PDE11A: variants seen among roughly 807,000 people sequenced by gnomAD.
The protein encoded by PDE11A is dual 3',5'-cyclic-AMP and -GMP phosphodiesterase 11A.
Under a neutral mutation model 100.5 loss-of-function variants are expected in PDE11A, and 100 were observed. The ratio of observed to expected loss-of-function variants is 1.00; its 90% CI spans 0.85 to 1.18. The LOEUF (loss-of-function observed/expected upper bound fraction) is 1.18, where lower values mean the gene tolerates loss of function less well. Among genes scored for constraint, PDE11A ranks in the 50% most tolerant of loss-of-function variants. The probability of loss-of-function intolerance (pLI) is 0.00; values close to 1 mark genes in which losing one functional copy is unlikely to be tolerated. For missense variants in PDE11A, 1,141 were observed against 1,152.6 expected (o/e 0.99, Z 0.15); for synonymous variants, 381 against 420.8 (o/e 0.91, Z 1.16).
chr2:177,647,088 G>A (rs1574094365), intron 19 of PDE11A, among the ~76,000 whole-genome samples: 1 of 152,126 alleles, frequency 6.6e-6, no homozygotes, highest in Non-Finnish European at 1.5e-5. Flanking sequence ...TACAAGAGGT[G>A]GTTGGAACAT....
chr2:177,860,398 A>G (rs2083925538), intron 5 of PDE11A, among the ~76,000 whole-genome samples: 1 of 151,870 alleles, frequency 6.6e-6, no homozygotes, highest in African/African-American at 2.4e-5. Flanking sequence ...AAAACAACTC[A>G]AGGAGAATTT....
At chr2:177,782,099 C>A (rs775302560) in intron 9 of PDE11A, among the ~76,000 whole-genome samples, 68 of 152,176 alleles carry the variant, frequency 4.5e-4, no homozygotes, top group Non-Finnish European at 8.7e-4. Flanking sequence ...TACATAATGA[C>A]AACACTGACA....
At chr2:177,852,116 C>T (rs61154252) in intron 5 of PDE11A, among the ~76,000 whole-genome samples, 105 of 152,240 alleles carry the variant, frequency 6.9e-4, no homozygotes, top group African/African-American at 9.9e-4. Context: ...CTCAAAGTTG[C>T]CATTTTCAAG....
At chr2:177,695,224 G>C (rs1215309738) in intron 15 of PDE11A, among the ~76,000 whole-genome samples, 3 of 151,886 alleles carry the variant, frequency 2.0e-5, no homozygotes, top group Non-Finnish European at 1.5e-5. Flanking sequence ...TATTTATTGG[G>C]TACATATGAC....
At chr2:177,862,471 C>G (rs75271438) in intron 5 of PDE11A, among the ~76,000 whole-genome samples, 1 of 151,676 alleles carries the variant, frequency 6.6e-6, no homozygotes, top group Non-Finnish European at 1.5e-5. Flanking sequence ...ACTGTTAGAC[C>G]TAATATATGA....
chr2:178,024,048 G>A (rs1304453888), intron 1 of PDE11A, among the ~76,000 whole-genome samples: 1 of 152,234 alleles, frequency 6.6e-6, no homozygotes, highest in East Asian at 1.9e-4. Context: ...AGGGGGAGGG[G>A]CCCTGGAGGG....
intron 9 of PDE11A, among the ~76,000 whole-genome samples, chr2:177,798,447 A>G (rs1191060761): frequency 6.6e-6 from 1 of 152,208 alleles, no homozygotes; most frequent in Non-Finnish European, 1.5e-5. Flanking sequence ...TAGGTGATCC[A>G]TTCGTAACAT....
intron 2 of PDE11A, among the ~76,000 whole-genome samples, chr2:177,919,665 ACGTGCCAT>A (rs1393995356): frequency 6.6e-6 from 1 of 152,130 alleles, no homozygotes; most frequent in African/African-American, 2.4e-5. Flanking sequence ...TAATGGAAAA[ACGTGCCAT>A]ATTTCTCAAT....
intron 4 of PDE11A, among the ~76,000 whole-genome samples, chr2:177,895,364 C>T (rs926692662): frequency 5.9e-5 from 9 of 151,976 alleles, no homozygotes; most frequent in African/African-American, 2.2e-4. Flanking sequence ...ACCAGCCTGG[C>T]CAACATGGCG....
chr2:177,777,012 C>T (rs1417017749), intron 9 of PDE11A, among the ~76,000 whole-genome samples: 1 of 152,126 alleles, frequency 6.6e-6, no homozygotes, highest in Admixed American at 6.6e-5. Flanking sequence ...CTCGGCACTT[C>T]TCCTTCCTGT....
At chr2:177,841,720 A>G (rs1324110448) in intron 5 of PDE11A, among the ~76,000 whole-genome samples, 2 of 152,212 alleles carry the variant, frequency 1.3e-5, no homozygotes, top group East Asian at 3.8e-4. Context: ...CTTATTGCAT[A>G]TTAAACATTA....
intron 2 of PDE11A, among the ~76,000 whole-genome samples, chr2:177,941,199 T>C (rs2085342004): frequency 6.6e-6 from 1 of 152,226 alleles, no homozygotes; most frequent in African/African-American, 2.4e-5. Context: ...CTAACTCATT[T>C]TGACAGACTA....
chr2:177,922,479 T>A (rs1010935803), intron 2 of PDE11A, among the ~76,000 whole-genome samples: 5 of 151,766 alleles, frequency 3.3e-5, no homozygotes, highest in African/African-American at 4.8e-5. Context: ...CAACAAAAAA[T>A]AATAATAATA....
chr2:177,939,360 G>A (rs2085316266), intron 2 of PDE11A, among the ~76,000 whole-genome samples: 1 of 148,678 alleles, frequency 6.7e-6, no homozygotes, highest in Non-Finnish European at 1.5e-5. Context: ...GCGGAAGGAG[G>A]GAGAGAGTGA....
At position 177,898,154 on chromosome 2, in the gene PDE11A, G is replaced by C. The variant is rs990258736; in HGVS notation, c.1206C>G (p.Asp402Glu). Residue 402 changes from aspartate (D) to glutamate (E), a missense_variant, in exon 4 of 20, where the codon GAC becomes GAG. Physicochemically the swap from Asp to Glu is conservative, Grantham distance 45 (BLOSUM62 2). Transcript: ENST00000286063. The stretch of plus-strand genomic sequence containing the variant: ...TTATTTTCTTGACAATTTTCTCCAG[G>C]TCAGTCTGTTCTTCAAAGAGGTCAT... ...VVNDLFEEQT[D>E]LEKIVKKIMH... 4 of 1,608,848 alleles carry C rather than the reference G, an allele frequency of 2.5e-6. No individual in the cohort carries two copies. In the African/African-American group the frequency reaches 5.3e-5, roughly 22 times the overall value.
chr2:177,653,029 G>A (rs2080332627), intron 19 of PDE11A, among the ~76,000 whole-genome samples: 2 of 152,224 alleles, frequency 1.3e-5, no homozygotes, highest in Admixed American at 1.3e-4. Context: ...CAGGTAAGTG[G>A]GAGAGCTGTG....
chr2:177,919,155 T>G (rs968940891), intron 2 of PDE11A, among the ~76,000 whole-genome samples: 3 of 146,162 alleles, frequency 2.1e-5, no homozygotes, highest in Non-Finnish European at 3.1e-5. Flanking sequence ...TGGAGTGCAG[T>G]GGCATGATCA....
intron 2 of PDE11A, among the ~76,000 whole-genome samples, chr2:177,923,529 G>A (rs1420852117): frequency 2.6e-5 from 4 of 152,114 alleles, no homozygotes; most frequent in Non-Finnish European, 4.4e-5. Context: ...ATTGGGTCAC[G>A]TGGTCATTGT....
intron 2 of PDE11A, among the ~76,000 whole-genome samples, chr2:178,007,176 G>A (rs895974757): frequency 2.6e-5 from 4 of 152,142 alleles, no homozygotes; most frequent in African/African-American, 9.7e-5. Flanking sequence ...AGAAAAATGA[G>A]CAAAATAATT....
Sources: gnomAD v4.1 joint callset for allele counts (sites outside exome capture counted in the v4.1 genomes callset) on GRCh38, gnomAD v4.1.1 for gene constraint, MANE v1.5 for transcripts, NCBI Gene and HGNC (gene_info 2026-07-23, HGNC 2026-07-21) for gene names.